The following AGPAT4 variants were observed in gnomAD, a reference collection of about 807,000 sequenced individuals.
The protein encoded by AGPAT4 is 1-acylglycerol-3-phosphate O-acyltransferase 4.
AGPAT4 carries 15 observed loss-of-function variants against 48.0 expected under a neutral mutation model. The ratio of observed to expected loss-of-function variants is 0.31; its 90% confidence interval spans 0.21 to 0.48. AGPAT4 has a LOEUF of 0.48. Among genes scored for constraint, AGPAT4 ranks in the 20% least tolerant of loss-of-function variants. The probability of loss-of-function intolerance (pLI) is 0.99; values close to 1 mark genes in which losing one functional copy is unlikely to be tolerated. For synonymous variants in AGPAT4, 178 were observed against 198.7 expected (o/e 0.90, Z 0.88); for missense variants, 314 against 482.5 (o/e 0.65, Z 3.27).
chr6:161,213,185 G>A (rs1030278358), intron 2 of AGPAT4, among the ~76,000 whole-genome samples: 3 of 152,186 alleles, frequency 2.0e-5, no homozygotes, highest in South Asian at 2.1e-4. Flanking sequence ...GGCTGGGCTC[G>A]GCTTTAAAAA....
chr6:161,262,483 TC>T lies in AGPAT4; in HGVS notation c.-90+11454del, dbSNP rs543137583. Among the ~76,000 whole-genome samples, 1 of 151,962 alleles carries T rather than the reference TC, an allele frequency of 6.6e-6. No homozygotes were observed. The highest frequency in any genetic ancestry group is 6.6e-5 in the Admixed American group (1 of 15,262). Reference sequence around the variant, plus strand: ...TATACTAGCTCATTCCTTTTTTTTTTCCCCCTCCTCATTATTCTCTCATAGC... The same window carrying T: ...TATACTAGCTCATTCCTTTTTTTTTTCCCCTCCTCATTATTCTCTCATAGC... On this transcript the variant is annotated intron_variant, in intron 1 of 8. Transcript: ENST00000320285. This position sits in a 1 kb window ranked among gnomAD's most constrained non-coding sequence, Gnocchi z 4.9.
At position 161,159,216 on chromosome 6, in the gene AGPAT4, T is replaced by C. The variant is rs1044892582; in HGVS notation, c.349-4906A>G. Among the ~76,000 whole-genome samples, 2 of 152,132 alleles carry C rather than the reference T, an allele frequency of 1.3e-5. No homozygotes were observed. The highest frequency in any genetic ancestry group is 2.4e-5 in the African/African-American group (1 of 41,424). On this transcript the variant is annotated intron_variant, in intron 3 of 8. Transcript: ENST00000320285. This position sits in a 1 kb window ranked among gnomAD's most constrained non-coding sequence, Gnocchi z 4.1. ...TCCAGGGTCCCCACAAGTCTCCCCA[T>C]AGCACAGCCTCCATTCTGATGTATG... is the stretch of plus-strand genomic sequence containing the variant.
chr6:161,157,676 G>T (rs1779801223), intron 3 of AGPAT4, among the ~76,000 whole-genome samples: 1 of 152,210 alleles, frequency 6.6e-6, no homozygotes, highest in Admixed American at 6.5e-5. Flanking sequence ...AATTTTGGAT[G>T]TTATCAATAT....
Position 161,235,533 on chromosome 6 carries a change from G to A in AGPAT4, c.-89-3231C>T, listed in dbSNP as rs746118693. On this transcript the variant is annotated intron_variant, in intron 1 of 8. Coordinates refer to ENST00000320285, the MANE Select transcript of AGPAT4 (RefSeq NM_020133.3). This position sits in a 1 kb window ranked among gnomAD's most constrained non-coding sequence, Gnocchi z 6.2. ...GACCCATCTGGATTAGTCCATTCTC[G>A]CACTGCTATAAAGAAATACCTGAGA... Among the ~76,000 whole-genome samples, 2 of 152,240 alleles carry A rather than the reference G, an allele frequency of 1.3e-5. No homozygotes were observed. Among genetic ancestry groups the A allele is most frequent in the African/African-American group, 2.4e-5 (1 of 41,542 alleles).
chr6:161,139,110 C>T lies in AGPAT4; in HGVS notation c.1042+312G>A, dbSNP rs1008211250. 2.0e-5 allele frequency among the ~76,000 whole-genome samples: 3 copies of T among 152,290 alleles called. No individual in the cohort carries two copies. The highest frequency in any genetic ancestry group is 3.9e-4 in the East Asian group (2 of 5,166). On this transcript the variant is annotated intron_variant, in intron 8 of 8. Coordinates refer to ENST00000320285, the MANE Select transcript of AGPAT4 (RefSeq NM_020133.3). This position sits in a 1 kb window ranked among gnomAD's most constrained non-coding sequence, Gnocchi z 9.1. ...TGATGCCAATGAGCAGAGCTGTCTG[C>T]GGAGGACAGGGAGGGAGCACTCCCA...
intron 2 of AGPAT4, among the ~76,000 whole-genome samples, chr6:161,224,698 C>T (rs971513031): frequency 4.7e-5 from 7 of 150,414 alleles, no homozygotes; most frequent in African/African-American, 1.7e-4. Flanking sequence ...GAGGGCAGGA[C>T]AGTAGCTGCC....
intron 2 of AGPAT4, among the ~76,000 whole-genome samples, chr6:161,192,377 C>T (rs1472565234): frequency 1.3e-5 from 2 of 152,148 alleles, no homozygotes; most frequent in Non-Finnish European, 2.9e-5. Flanking sequence ...TCTCAAACTC[C>T]TGACCTCAGG....
chr6:161,194,512 GTA>G (rs562357920), intron 2 of AGPAT4, among the ~76,000 whole-genome samples: 185 of 151,528 alleles, frequency 1.2e-3, no homozygotes, highest in African/African-American at 3.9e-3. Context: ...GTGCATGTAA[GTA>G]TATGTGTGTG....
rs1244983293 is a variant in AGPAT4 at position 161,206,556 on chromosome 6, A to G, written c.178+25480T>C. Reference sequence around the variant, plus strand: ...TTGACCCAGTGACACAGTATCAGAGAAAATCTGTTAAAACAAGTTTAAGTA... The same window carrying G: ...TTGACCCAGTGACACAGTATCAGAGGAAATCTGTTAAAACAAGTTTAAGTA... On this transcript the variant is annotated intron_variant, in intron 2 of 8. Coordinates refer to ENST00000320285, the MANE Select transcript of AGPAT4 (RefSeq NM_020133.3). The surrounding 1 kb of genome is among the most constrained non-coding windows in gnomAD (Gnocchi z 4.8). Among the ~76,000 whole-genome samples the G allele has an allele frequency of 1.3e-5, 2 of 152,244 alleles. No individual in the cohort carries two copies. Among genetic ancestry groups the G allele is most frequent in the Non-Finnish European group, 2.9e-5 (2 of 68,048 alleles).
chr6:161,133,753 C>T lies in AGPAT4; in HGVS notation c.*2787G>A, dbSNP rs978922343. The T allele has an allele frequency of 6.6e-6, 1 of 152,238 alleles. No homozygotes were observed. The highest frequency in any genetic ancestry group is 2.4e-5 in the African/African-American group (1 of 41,448). 9.4% of individuals were successfully genotyped at this position (152,238 alleles called of 1,614,324 possible). A position where few individuals can be genotyped will look rare whatever the true frequency, so the allele number is the denominator to read the frequency against. On this transcript the variant is annotated 3_prime_UTR_variant, in exon 9 of 9. Transcript: ENST00000320285. ...TCGTATTTTTCTCTGCCACCTTGAA[C>T]TACAGAACAGGCTCTCAGTAGCGTG...
chr6:161,163,693 G>C (rs1004977313), intron 3 of AGPAT4, among the ~76,000 whole-genome samples: 1 of 152,212 alleles, frequency 6.6e-6, no homozygotes, highest in Non-Finnish European at 1.5e-5. Flanking sequence ...TGCTTTGTGA[G>C]AATGTGCATA....
chr6:161,141,274 C>T lies in AGPAT4; in HGVS notation c.844-1654G>A, dbSNP rs908474104. 6.6e-6 allele frequency among the ~76,000 whole-genome samples: 1 copy of T among 152,140 alleles called. No homozygotes were observed. ...CTTGTCGCGTGACTCTGCTGTTGGA[C>T]ATCAGCCAAGAGAAGCCATGGGGGC... is the stretch of plus-strand genomic sequence containing the variant. On this transcript the variant is annotated intron_variant, in intron 7 of 8. Coordinates refer to ENST00000320285, the MANE Select transcript of AGPAT4 (RefSeq NM_020133.3). The surrounding 1 kb of genome is among the most constrained non-coding windows in gnomAD (Gnocchi z 6.7).
rs959977139 is a variant in AGPAT4 at position 161,166,796 on chromosome 6, A to G, written c.179-379T>C. On this transcript the variant is annotated intron_variant, in intron 2 of 8. Coordinates refer to ENST00000320285, the MANE Select transcript of AGPAT4 (RefSeq NM_020133.3). This position sits in a 1 kb window ranked among gnomAD's most constrained non-coding sequence, Gnocchi z 6.7. ...ATTCTTAATATCCTGGAAAATGACTAATTGGGATACTTATAAACTCCATCA... is the reference window on the plus strand; with the variant it reads ...ATTCTTAATATCCTGGAAAATGACTGATTGGGATACTTATAAACTCCATCA... 6.6e-6 allele frequency among the ~76,000 whole-genome samples: 1 copy of G among 152,140 alleles called. No individual in the cohort carries two copies. Among genetic ancestry groups the G allele is most frequent in the African/African-American group, 2.4e-5 (1 of 41,400 alleles).
In AGPAT4 at chr6:161,215,851, C is replaced by A. The variant is rs1340405307; in HGVS notation, c.178+16185G>T. On this transcript the variant is annotated intron_variant, in intron 2 of 8. Coordinates refer to ENST00000320285, the MANE Select transcript of AGPAT4 (RefSeq NM_020133.3). This position sits in a 1 kb window ranked among gnomAD's most constrained non-coding sequence, Gnocchi z 4.5. ...ACCCATTATTTTATTCGTAATACAG[C>A]ATTACCTTTCAAACTATACATCAAA... Among the ~76,000 whole-genome samples, 1 of 152,176 alleles carries A rather than the reference C, an allele frequency of 6.6e-6. No individual in the cohort carries two copies. The highest frequency in any genetic ancestry group is 2.4e-5 in the African/African-American group (1 of 41,442).
intron 2 of AGPAT4, among the ~76,000 whole-genome samples, chr6:161,182,794 G>C (rs565257204): frequency 1.3e-5 from 2 of 152,234 alleles, no homozygotes; most frequent in Non-Finnish European, 2.9e-5. Flanking sequence ...TAAAACCCAG[G>C]AGAGGGACAC....
At chr6:161,203,008 C>G (rs1324387074) in intron 2 of AGPAT4, among the ~76,000 whole-genome samples, 1 of 152,188 alleles carries the variant, frequency 6.6e-6, no homozygotes, top group Non-Finnish European at 1.5e-5. Context: ...CGAGTCTCCC[C>G]ACTGGGAACC....
rs527952441 is a variant in AGPAT4, at chr6:161,234,857, A to C, written c.-89-2555T>G. On this transcript the variant is annotated intron_variant, in intron 1 of 8. Transcript: ENST00000320285. This position sits in a 1 kb window ranked among gnomAD's most constrained non-coding sequence, Gnocchi z 4.4. Reference sequence around the variant, plus strand: ...GTGTCCAGTTCAATATTAGGGCATTAGGAAGAAAAATTAAGAATTCTTTTT... The same window carrying C: ...GTGTCCAGTTCAATATTAGGGCATTCGGAAGAAAAATTAAGAATTCTTTTT... Among the ~76,000 whole-genome samples the C allele has an allele frequency of 3.3e-5, 5 of 152,138 alleles. No homozygotes were observed. Among genetic ancestry groups the C allele is most frequent in the Admixed American group, 6.5e-5 (1 of 15,270 alleles).
At chr6:161,163,330 T>A (rs905861450) in intron 3 of AGPAT4, among the ~76,000 whole-genome samples, 2 of 151,890 alleles carry the variant, frequency 1.3e-5, no homozygotes, top group African/African-American at 4.8e-5. Flanking sequence ...AAAAGCAAAT[T>A]CCACAGACTC....
chr6:161,186,325 G>C (rs1318334453), intron 2 of AGPAT4, among the ~76,000 whole-genome samples: 1 of 152,120 alleles, frequency 6.6e-6, no homozygotes, highest in Admixed American at 6.5e-5. Context: ...GGCAGTCCAC[G>C]AGAAACCCTG....
Sources: allele counts gnomAD v4.1 joint callset (sites outside exome capture counted in the v4.1 genomes callset), GRCh38; gene constraint gnomAD v4.1.1; non-coding constraint Gnocchi (gnomAD v3.1); transcripts MANE v1.5; gene names NCBI Gene and HGNC (gene_info 2026-07-23, HGNC 2026-07-21).